CNTNAP2: variants seen among roughly 807,000 people sequenced by gnomAD.
CNTNAP2 encodes contactin associated protein 2, also known as contactin-associated protein-like 2.
A neutral mutation model predicts 155.2 loss-of-function variants in CNTNAP2; 98 were observed. The ratio of observed to expected loss-of-function variants is 0.63; its 90% CI spans 0.54 to 0.75. The LOEUF is 0.75. Among genes scored for constraint, CNTNAP2 ranks in the 30% least tolerant of loss-of-function variants. The pLI, the probability that CNTNAP2 is intolerant of heterozygous loss-of-function variation, is 0.00. For missense variants in CNTNAP2, 1,727 were observed against 1,688.1 expected, an observed-to-expected ratio of 1.02 and a Z score of -0.40; for synonymous variants, 651 against 631.2, an observed-to-expected ratio of 1.03 and a Z score of -0.47.
In CNTNAP2 at chr7:146,172,649, C is replaced by T. The variant is rs187713877; in HGVS notation, c.97+55676C>T. ...TAGATCTTCAATAATTAATTAAGTT[C>T]TGATCATTACGTGTTTTCATTTCTG... is the stretch of plus-strand genomic sequence containing the variant. On this transcript the variant is annotated intron_variant, in intron 1 of 23. Coordinates refer to ENST00000361727, the MANE Select transcript of CNTNAP2 (RefSeq NM_014141.6). Among the ~76,000 whole-genome samples the T allele has an allele frequency of 1.5e-4, 23 of 152,164 alleles. No individual in the cohort carries two copies. The East Asian group carries it at 4.5e-3, about 29-fold the overall frequency.
chr7:146,720,085 A>G (rs939870183), intron 1 of CNTNAP2, among the ~76,000 whole-genome samples: 1 of 152,124 alleles, frequency 6.6e-6, no homozygotes, highest in Admixed American at 6.6e-5. Context: ...AAGGAAAGAA[A>G]ATTTGAGTTT....
chr7:147,225,409 G>A (rs1391973600), intron 8 of CNTNAP2, among the ~76,000 whole-genome samples: 1 of 152,082 alleles, frequency 6.6e-6, no homozygotes, highest in Admixed American at 6.5e-5. Context: ...CACAATACCT[G>A]CTGAAAGTGA....
At chr7:148,138,547 A>T (rs1233481078) in intron 16 of CNTNAP2, among the ~76,000 whole-genome samples, 1 of 152,084 alleles carries the variant, frequency 6.6e-6, no homozygotes, top group Non-Finnish European at 1.5e-5. Context: ...TTGCCGCACA[A>T]CCTGAATATG....
At chr7:146,517,483 T>C (rs1383354473) in intron 1 of CNTNAP2, among the ~76,000 whole-genome samples, 1 of 151,856 alleles carries the variant, frequency 6.6e-6, no homozygotes. Flanking sequence ...TGGAGGTAAG[T>C]TTAGCATCAG....
chr7:147,102,533 G>A (rs2129278015), intron 4 of CNTNAP2, among the ~76,000 whole-genome samples: 1 of 152,256 alleles, frequency 6.6e-6, no homozygotes, highest in South Asian at 2.1e-4. Context: ...AAGCACTGAA[G>A]GGGAAAGCAA....
At chr7:146,975,924 C>T (rs1797901062) in intron 3 of CNTNAP2, among the ~76,000 whole-genome samples, 1 of 152,130 alleles carries the variant, frequency 6.6e-6, no homozygotes, top group Non-Finnish European at 1.5e-5. Flanking sequence ...ACAGATGATC[C>T]TGTAAGGGAG....
chr7:147,773,167 T>C (rs1365922105), intron 13 of CNTNAP2, among the ~76,000 whole-genome samples: 1 of 152,220 alleles, frequency 6.6e-6, no homozygotes, highest in Non-Finnish European at 1.5e-5. Flanking sequence ...TGAACTCAAC[T>C]GGATTGACGG....
intron 1 of CNTNAP2, among the ~76,000 whole-genome samples, chr7:146,518,178 T>C (rs1797568280): frequency 6.6e-6 from 1 of 151,936 alleles, no homozygotes; most frequent in African/African-American, 2.4e-5. Context: ...AGTTCCAATA[T>C]ATATTCAAGT....
At chr7:146,632,238 G>A (rs1416029908) in intron 1 of CNTNAP2, among the ~76,000 whole-genome samples, 1 of 152,058 alleles carries the variant, frequency 6.6e-6, no homozygotes, top group African/African-American at 2.4e-5. Context: ...AAATTCCCAT[G>A]ACCTATTCCC....
intron 11 of CNTNAP2, among the ~76,000 whole-genome samples, chr7:147,531,572 C>T (rs1383977300): frequency 2.0e-5 from 3 of 152,212 alleles, no homozygotes; most frequent in Non-Finnish European, 4.4e-5. Flanking sequence ...GGCTGGTACA[C>T]AGGACACCAA....
At chr7:147,695,354 A>T (rs1101047) in intron 13 of CNTNAP2, among the ~76,000 whole-genome samples, 51,698 of 152,052 alleles carry the variant, frequency 0.34, 13,371 homozygotes, top group African/African-American at 0.72. Context: ...CTGTACCTAG[A>T]TGATCTAGTG....
chr7:147,757,383 A>G (rs1212421349), intron 13 of CNTNAP2, among the ~76,000 whole-genome samples: 3 of 152,150 alleles, frequency 2.0e-5, no homozygotes, highest in Non-Finnish European at 4.4e-5. Flanking sequence ...GGCAGAAGGA[A>G]ATTTGCATTC....
chr7:146,503,993 C>T (rs1489305501), intron 1 of CNTNAP2, among the ~76,000 whole-genome samples: 3 of 152,178 alleles, frequency 2.0e-5, no homozygotes, highest in Non-Finnish European at 4.4e-5. Context: ...TGGCTCAAAG[C>T]CAGATACGAG....
At chr7:146,225,536 A>G (rs1799279331) in intron 1 of CNTNAP2, among the ~76,000 whole-genome samples, 1 of 152,204 alleles carries the variant, frequency 6.6e-6, no homozygotes, top group Non-Finnish European at 1.5e-5. Context: ...GGAAACCCGC[A>G]GAAACTGTGT....
intron 3 of CNTNAP2, among the ~76,000 whole-genome samples, chr7:147,028,887 G>A (rs926665337): frequency 4.7e-5 from 7 of 148,066 alleles, no homozygotes; most frequent in African/African-American, 1.7e-4. Context: ...CATAGAAGAA[G>A]AAGAAAAATC....
chr7:146,143,902 A>G (rs1797918000), intron 1 of CNTNAP2, among the ~76,000 whole-genome samples: 2 of 152,156 alleles, frequency 1.3e-5, no homozygotes, highest in South Asian at 4.1e-4. Context: ...AGCTGGGACT[A>G]CAGGCATGTG....
At chr7:147,608,570 G>A (rs1801119356) in intron 12 of CNTNAP2, among the ~76,000 whole-genome samples, 1 of 152,014 alleles carries the variant, frequency 6.6e-6, no homozygotes, top group African/African-American at 2.4e-5. Flanking sequence ...CCAAAGAGCT[G>A]GGATAATAGG....
At chr7:147,776,211 A>C (rs1322493178) in intron 13 of CNTNAP2, among the ~76,000 whole-genome samples, 1 of 152,150 alleles carries the variant, frequency 6.6e-6, no homozygotes, top group African/African-American at 2.4e-5. Context: ...TATGAATACA[A>C]AGAACTGGAT....
chr7:146,154,316 T>C (rs1798093773), intron 1 of CNTNAP2, among the ~76,000 whole-genome samples: 1 of 152,198 alleles, frequency 6.6e-6, no homozygotes, highest in Non-Finnish European at 1.5e-5. Flanking sequence ...TTTTTGGTTG[T>C]TTTTCAGTTT....
Sources: gnomAD v4.1 joint callset for allele counts (sites outside exome capture counted in the v4.1 genomes callset) on GRCh38, gnomAD v4.1.1 for gene constraint, MANE v1.5 for transcripts, NCBI Gene and HGNC (gene_info 2026-07-23, HGNC 2026-07-21) for gene names.